SLC39A8: variants seen among roughly 807,000 people sequenced by gnomAD.
SLC39A8 encodes the protein solute carrier family 39 member 8.
SLC39A8 carries 15 observed loss-of-function variants against 40.4 expected under a neutral mutation model. The observed-to-expected ratio is 0.37, with a 90% CI of 0.25 to 0.57. The LOEUF (loss-of-function observed/expected upper bound fraction) is 0.57, where lower values mean the gene tolerates loss of function less well. Among genes scored for constraint, SLC39A8 ranks in the 20% least tolerant of loss-of-function variants. The pLI is 0.75. For missense variants in SLC39A8, 472 were observed against 558.8 expected, an observed-to-expected ratio of 0.84 and a Z score of 1.57; for synonymous variants, 223 against 221.6, an observed-to-expected ratio of 1.01 and a Z score of -0.06.
intron 2 of SLC39A8, among the ~76,000 whole-genome samples, chr4:102,337,034 C>A (rs1197685052): frequency 6.6e-6 from 1 of 151,774 alleles, no homozygotes; most frequent in East Asian, 1.9e-4. Flanking sequence ...TGTGTACATC[C>A]CTTGAGGAAA....
rs1736103882 is a variant in SLC39A8, at chr4:102,344,847, G to A, written c.-185C>T. ...AAAGAACAGCAGCTCGCGACCTGCGGGGCATTGAAGTGGCAGCGTAGCCGA... is the reference window on the plus strand; with the variant it reads ...AAAGAACAGCAGCTCGCGACCTGCGAGGCATTGAAGTGGCAGCGTAGCCGA... On this transcript the variant is annotated 5_prime_UTR_variant, in exon 2 of 9. Transcript: ENST00000356736. 8 of 1,315,976 alleles carry A rather than the reference G, an allele frequency of 6.1e-6. No individual in the cohort carries two copies. In the Admixed American group the frequency reaches 3.4e-4, roughly 55 times the overall value. The allele number at this position is 1,315,976 out of a possible 1,614,324, so 81.5% of individuals were successfully genotyped here. A position where few individuals can be genotyped will look rare whatever the true frequency, so the allele number is the denominator to read the frequency against.
intron 6 of SLC39A8, among the ~76,000 whole-genome samples, chr4:102,290,877 C>T (rs1238041302): frequency 6.6e-6 from 1 of 152,152 alleles, no homozygotes; most frequent in Non-Finnish European, 1.5e-5. Flanking sequence ...CAAACACTTT[C>T]TCCACCTTCC....
Position 102,344,902 on chromosome 4 carries a change from G to A in SLC39A8, c.-240C>T, listed in dbSNP as rs1178644053. The A allele has an allele frequency of 2.3e-6, 3 of 1,293,716 alleles. No homozygotes were observed. Among genetic ancestry groups the A allele is most frequent in the African/African-American group, 3.1e-5 (2 of 64,214 alleles). The allele number at this position is 1,293,716 out of a possible 1,614,324, so 80.1% of individuals were successfully genotyped here. A position where few individuals can be genotyped will look rare whatever the true frequency, so the allele number is the denominator to read the frequency against. On this transcript the variant is annotated 5_prime_UTR_variant, in exon 2 of 9. Transcript: ENST00000356736. Reference sequence around the variant, plus strand: ...AGCGATAGGCGGAGTGGGCCCCCCGGCCTCCTGGAGAGCCTGAGATAAAGA... The same window carrying A: ...AGCGATAGGCGGAGTGGGCCCCCCGACCTCCTGGAGAGCCTGAGATAAAGA...
chr4:102,305,120 GA>G lies in SLC39A8; in HGVS notation c.553-10del. On this transcript the variant is annotated splice_polypyrimidine_tract_variant and intron_variant, in intron 4 of 8. Transcript: ENST00000356736. ...GGATCAAATCCAAATGCCTAAGGGA[GA>G]AAAAAGGGCAATTCAAGTAAAACCA... The G allele has an allele frequency of 6.3e-7, 1 of 1,595,802 alleles. No individual in the cohort carries two copies. Among genetic ancestry groups the G allele is most frequent in the Non-Finnish European group, 8.5e-7 (1 of 1,174,180 alleles).
chr4:102,308,836 C>T (rs1205632155), intron 3 of SLC39A8, among the ~76,000 whole-genome samples: 1 of 152,102 alleles, frequency 6.6e-6, no homozygotes, highest in Non-Finnish European at 1.5e-5. Context: ...CATATGTCAA[C>T]TTATTTGAAC....
chr4:102,272,523 A>T (rs1325317931), intron 6 of SLC39A8, among the ~76,000 whole-genome samples: 1 of 152,154 alleles, frequency 6.6e-6, no homozygotes, highest in Non-Finnish European at 1.5e-5. Flanking sequence ...AAGGAGAGTT[A>T]CAGTGAGCTA....
intron 2 of SLC39A8, among the ~76,000 whole-genome samples, chr4:102,320,284 GTATA>G (rs1560561103): frequency 8.4e-6 from 1 of 118,852 alleles, no homozygotes; most frequent in Admixed American, 9.3e-5. Flanking sequence ...TTATATATGA[GTATA>G]TATATGAGAA....
chr4:102,303,531 A>G (rs1452632136), intron 6 of SLC39A8, among the ~76,000 whole-genome samples: 1 of 151,960 alleles, frequency 6.6e-6, no homozygotes, highest in African/African-American at 2.4e-5. Context: ...CCACTTATGG[A>G]AAAGATAGCC....
At chr4:102,320,201 A>G (rs538638440) in intron 2 of SLC39A8, among the ~76,000 whole-genome samples, 74 of 137,004 alleles carry the variant, frequency 5.4e-4, no homozygotes, top group Admixed American at 1.4e-3. Flanking sequence ...GTATATATAT[A>G]TGTATATATA....
intron 2 of SLC39A8, among the ~76,000 whole-genome samples, chr4:102,318,979 T>G (rs1055264803): frequency 1.3e-5 from 2 of 152,192 alleles, no homozygotes; most frequent in African/African-American, 4.8e-5. Flanking sequence ...ACTCTAAGTT[T>G]GAAGTTAAGC....
At chr4:102,253,416 A>C (rs2148997733) in exon 12 of SLC39A8, 1 of 716,736 alleles carries the variant, frequency 1.4e-6, no homozygotes, top group South Asian at 1.5e-5. Flanking sequence ...CCAGATAATG[A>C]AATTACTACC....
chr4:102,259,309 C>T (rs1022037856), downstream of SLC39A8: 20 of 484,364 alleles, frequency 4.1e-5, no homozygotes, highest in Non-Finnish European at 7.4e-5. Context: ...AAATTATCCA[C>T]GTGTTGCCTC....
At chr4:102,317,722 G>C (rs1325765541) in intron 2 of SLC39A8, among the ~76,000 whole-genome samples, 1 of 152,160 alleles carries the variant, frequency 6.6e-6, no homozygotes, top group African/African-American at 2.4e-5. Flanking sequence ...CTGCAAGGAA[G>C]ACTTACCCTA....
chr4:102,333,179 T>C (rs564985393), intron 2 of SLC39A8, among the ~76,000 whole-genome samples: 12 of 152,182 alleles, frequency 7.9e-5, no homozygotes, highest in African/African-American at 2.9e-4. Flanking sequence ...TAATAAAATG[T>C]GTATATATAT....
chr4:102,317,239 G>C (rs1179425647), intron 2 of SLC39A8, among the ~76,000 whole-genome samples: 1 of 152,068 alleles, frequency 6.6e-6, no homozygotes, highest in Non-Finnish European at 1.5e-5. Context: ...GATCACTACT[G>C]TTTATAAAGG....
chr4:102,330,428 T>G (rs772147265), intron 2 of SLC39A8, among the ~76,000 whole-genome samples: 2 of 151,866 alleles, frequency 1.3e-5, no homozygotes, highest in African/African-American at 4.8e-5. Flanking sequence ...AAAGAAGAAA[T>G]AGGTAAATTC....
At chr4:102,277,076 C>G (rs1461861850) in intron 6 of SLC39A8, among the ~76,000 whole-genome samples, 1 of 152,112 alleles carries the variant, frequency 6.6e-6, no homozygotes, top group Non-Finnish European at 1.5e-5. Flanking sequence ...TGAAAACCAG[C>G]ACAAGACAAG....
intron 6 of SLC39A8, among the ~76,000 whole-genome samples, chr4:102,288,101 T>C (rs1273723227): frequency 2.0e-5 from 3 of 152,154 alleles, no homozygotes; most frequent in African/African-American, 7.2e-5. Flanking sequence ...TTTTTACAAA[T>C]TGAAGGTTTG....
chr4:102,304,863 T>G, intron 5 of SLC39A8, 126 bp downstream of exon 5: 1 of 798,644 alleles, frequency 1.3e-6, no homozygotes, highest in Non-Finnish European at 1.9e-6. Flanking sequence ...TTGTTCTCCT[T>G]AAACTCACAA....
Sources: gnomAD v4.1 joint callset for allele counts (sites outside exome capture counted in the v4.1 genomes callset) on GRCh38, gnomAD v4.1.1 for gene constraint, MANE v1.5 for transcripts, NCBI Gene and HGNC (gene_info 2026-07-23, HGNC 2026-07-21) for gene names.